Variants in ZFHX3 observed in about 807,000 individuals in gnomAD.
ZFHX3 encodes zinc finger homeobox 3.
ZFHX3 carries 42 observed loss-of-function variants against 279.1 expected under a neutral mutation model. The observed-to-expected ratio is 0.15, with a 90% CI of 0.12 to 0.19. The LOEUF is 0.19. ZFHX3 is among the 10% of genes least tolerant of loss of function. The pLI is 1.00. For missense variants in ZFHX3, 4,981 were observed against 4,754.0 expected, an observed-to-expected ratio of 1.05 and a Z score of -1.40; for synonymous variants, 2,293 against 1,957.8, an observed-to-expected ratio of 1.17 and a Z score of -4.52.
chr16:73,608,828 AC>A (rs1222213502), intron 2 of ZFHX3: 2 of 152,228 alleles, frequency 1.3e-5, no homozygotes, highest in Non-Finnish European at 2.9e-5. Flanking sequence ...TTTTAAAAAA[AC>A]AACAACCTTT....
chr16:73,439,744 C>G (rs2018053940), intron 3 of ZFHX3, among the ~76,000 whole-genome samples: 1 of 151,674 alleles, frequency 6.6e-6, no homozygotes. Context: ...TTTTTAGCAG[C>G]CTGCTGATTC....
chr16:72,857,706 A>AAAACT (rs1382466597), intron 4 of ZFHX3, among the ~76,000 whole-genome samples: 52 of 152,240 alleles, frequency 3.4e-4, no homozygotes, highest in African/African-American at 1.2e-3. Context: ...AAAACAAAAC[A>AAAACT]AAACAAAACA....
intron 1 of ZFHX3, among the ~76,000 whole-genome samples, chr16:73,035,819 A>G (rs8062492): frequency 0.89 from 136,271 of 152,298 alleles, 61,167 homozygotes; most frequent in East Asian, 1. Flanking sequence ...CAGGAGGACT[A>G]CTTGAACCCA....
chr16:73,787,814 AGTGTGT>A (rs72236616), intron 1 of ZFHX3, among the ~76,000 whole-genome samples: 299 of 138,054 alleles, frequency 2.2e-3, no homozygotes, highest in African/African-American at 3.9e-3. Flanking sequence ...GTTTTCTTAA[AGTGTGT>A]GTGTGTGTGT....
chr16:73,561,010 G>T (rs113430004), intron 2 of ZFHX3, among the ~76,000 whole-genome samples: 14 of 152,282 alleles, frequency 9.2e-5, no homozygotes, highest in African/African-American at 3.1e-4. Context: ...CATACAGGAA[G>T]TATTATATAA....
At chr16:73,838,308 A>G (rs1446553386) in intron 1 of ZFHX3, among the ~76,000 whole-genome samples, 1 of 152,248 alleles carries the variant, frequency 6.6e-6, no homozygotes, top group African/African-American at 2.4e-5. Flanking sequence ...TTCTATTGAA[A>G]CAAAATGGCA....
At chr16:73,631,850 T>G (rs2052472110) in intron 2 of ZFHX3, among the ~76,000 whole-genome samples, 1 of 151,538 alleles carries the variant, frequency 6.6e-6, no homozygotes, top group East Asian at 1.9e-4. Flanking sequence ...GAGGTTGCAG[T>G]GAGCCGAGAT....
chr16:73,564,937 C>T (rs529574148), intron 2 of ZFHX3, among the ~76,000 whole-genome samples: 4 of 152,264 alleles, frequency 2.6e-5, no homozygotes, highest in African/African-American at 9.6e-5. Context: ...GCCTCTAAGT[C>T]GTCATGCTTT....
intron 5 of ZFHX3, among the ~76,000 whole-genome samples, chr16:73,174,144 T>C (rs1192962499): frequency 1.3e-5 from 2 of 152,080 alleles, no homozygotes; most frequent in Non-Finnish European, 2.9e-5. Flanking sequence ...TAACTTCAGT[T>C]TCTGGGTAGC....
chr16:73,636,104 T>C (rs1158752158), intron 2 of ZFHX3, among the ~76,000 whole-genome samples: 2 of 152,200 alleles, frequency 1.3e-5, no homozygotes, highest in African/African-American at 2.4e-5. Flanking sequence ...TCCATTCCCA[T>C]ATTTTCAGAT....
At chr16:73,881,589 T>C (rs558320038) in intron 1 of ZFHX3, among the ~76,000 whole-genome samples, 2 of 149,536 alleles carry the variant, frequency 1.3e-5, no homozygotes, top group African/African-American at 2.5e-5. Flanking sequence ...GTTTAGGAAA[T>C]ATTGATGTTA....
At chr16:73,613,861 A>AG (rs1471951661) in intron 2 of ZFHX3, among the ~76,000 whole-genome samples, 2 of 152,174 alleles carry the variant, frequency 1.3e-5, no homozygotes, top group Admixed American at 6.5e-5. Flanking sequence ...CTGCTGCGGC[A>AG]GGGGGAGGGC....
At chr16:72,865,509 T>C (rs1440460628) in intron 4 of ZFHX3, among the ~76,000 whole-genome samples, 1 of 152,206 alleles carries the variant, frequency 6.6e-6, no homozygotes. Flanking sequence ...GCTCCCAGAA[T>C]GAACTTGGAT....
chr16:73,785,657 G>A (rs941918093), intron 1 of ZFHX3, among the ~76,000 whole-genome samples: 14 of 152,210 alleles, frequency 9.2e-5, no homozygotes, highest in African/African-American at 3.4e-4. Context: ...CTACCCTCAT[G>A]CTTAAGCAAC....
chr16:73,143,186 C>T (rs1260304935), intron 6 of ZFHX3, among the ~76,000 whole-genome samples: 4 of 151,712 alleles, frequency 2.6e-5, no homozygotes, highest in South Asian at 2.1e-4. Flanking sequence ...TCTGGTTGGA[C>T]GGATCCCTTG....
In ZFHX3 at chr16:73,013,441, C is replaced by T. The variant is rs368168891; in HGVS notation, c.-50+34311G>A. 4.5e-3 allele frequency among the ~76,000 whole-genome samples: 681 copies of T among 152,230 alleles called. 7 individuals carry two copies. The highest frequency in any genetic ancestry group is 0.015 in the African/African-American group (637 of 41,520). ...TAACTGGGACCACAGGCGTGTGCCA[C>T]CACACCCAGCTAATTTTTCTATTTT... is the stretch of plus-strand genomic sequence containing the variant. On this transcript the variant is annotated intron_variant, in intron 1 of 9. Transcript: ENST00000268489.
At chr16:73,698,291 T>C (rs890420182) in intron 1 of ZFHX3, among the ~76,000 whole-genome samples, 1 of 152,154 alleles carries the variant, frequency 6.6e-6, no homozygotes, top group Non-Finnish European at 1.5e-5. Flanking sequence ...AAGATAGCTC[T>C]TATTTTCAGA....
At chr16:73,450,879 T>C (rs1597340254) in intron 3 of ZFHX3, among the ~76,000 whole-genome samples, 1 of 152,156 alleles carries the variant, frequency 6.6e-6, no homozygotes, top group African/African-American at 2.4e-5. Flanking sequence ...ATGTAGTGTA[T>C]AGAGCATTTT....
chr16:73,172,328 C>A (rs982344068), intron 5 of ZFHX3, among the ~76,000 whole-genome samples: 2 of 152,336 alleles, frequency 1.3e-5, no homozygotes, highest in African/African-American at 2.4e-5. Context: ...GCCCGCCAGG[C>A]GCTTCGTGTT....
Sources: gnomAD v4.1 joint callset for allele counts (sites outside exome capture counted in the v4.1 genomes callset) on GRCh38, gnomAD v4.1.1 for gene constraint, MANE v1.5 for transcripts, NCBI Gene and HGNC (gene_info 2026-07-23, HGNC 2026-07-21) for gene names.